The following TLL1 variants were observed in gnomAD, a reference collection of about 807,000 sequenced individuals.
TLL1 encodes tolloid like 1.
Under a neutral mutation model 128.2 loss-of-function variants are expected in TLL1, and 49 were observed. The observed-to-expected ratio is 0.38, with a 90% CI of 0.30 to 0.48. TLL1 has a LOEUF of 0.48. Among genes scored for constraint, TLL1 ranks in the 20% least tolerant of loss-of-function variants. The pLI is 0.96. For missense variants in TLL1, 1,123 were observed against 1,242.0 expected (o/e 0.90, Z 1.44); for synonymous variants, 454 against 418.8 (o/e 1.08, Z -1.03).
chr4:165,946,505 T>TC (rs1734256741), intron 1 of TLL1, among the ~76,000 whole-genome samples: 1 of 149,960 alleles, frequency 6.7e-6, no homozygotes, highest in African/African-American at 2.5e-5. Context: ...GCTAATTTTT[T>TC]TTTTTTTTTT....
intron 1 of TLL1, among the ~76,000 whole-genome samples, chr4:165,909,428 G>A (rs9990589): frequency 0.44 from 66,685 of 151,926 alleles, 15,462 homozygotes; most frequent in East Asian, 0.87. Flanking sequence ...TGCAGGTGAT[G>A]TTTGTAGTGG....
intron 8 of TLL1, among the ~76,000 whole-genome samples, chr4:166,021,570 C>T (rs1370000592): frequency 1.3e-5 from 2 of 151,708 alleles, no homozygotes; most frequent in South Asian, 2.1e-4. Flanking sequence ...GTAGCTGGGA[C>T]TACAGGTGTG....
At chr4:166,032,189 A>G (rs952748020) in intron 9 of TLL1, among the ~76,000 whole-genome samples, 6 of 152,134 alleles carry the variant, frequency 3.9e-5, no homozygotes, top group African/African-American at 1.4e-4. Context: ...ATTTTAGAAA[A>G]CTAGAAACTT....
chr4:165,918,726 T>C (rs559999323), intron 1 of TLL1, among the ~76,000 whole-genome samples: 96 of 152,288 alleles, frequency 6.3e-4, no homozygotes, highest in Middle Eastern at 3.4e-3. Flanking sequence ...TCATTTCCTC[T>C]AGTTTGTGTT....
At chr4:165,989,250 A>T in intron 1 of TLL1, 131 bp from the exon 2 acceptor site, 1 of 696,240 alleles carries the variant, frequency 1.4e-6, no homozygotes, top group East Asian at 2.7e-5. Flanking sequence ...TTCAGTTATG[A>T]TTACTTTCTG....
rs181876352 is a variant in TLL1 at position 166,094,508 on chromosome 4, C to A, written c.2656+3167C>A. 1.9e-3 allele frequency among the ~76,000 whole-genome samples: 292 copies of A among 152,220 alleles called. 1 individual carries two copies. Among genetic ancestry groups the A allele is most frequent in the Non-Finnish European group, 3.3e-3 (226 of 68,008 alleles). ...GCCATTCAGATACCCACGTGAGGAA[C>A]CCCAATCACAATTTGTTAGGCAAAA... On this transcript the variant is annotated intron_variant, in intron 19 of 20. Coordinates refer to ENST00000061240, the MANE Select transcript of TLL1 (RefSeq NM_012464.5).
chr4:166,094,400 A>G (rs1436093044), intron 19 of TLL1, among the ~76,000 whole-genome samples: 1 of 152,192 alleles, frequency 6.6e-6, no homozygotes, highest in Non-Finnish European at 1.5e-5. Context: ...TGAAGATTGA[A>G]TTCTTCTTTA....
intron 1 of TLL1, among the ~76,000 whole-genome samples, chr4:165,920,533 G>T (rs1045941859): frequency 4.6e-5 from 7 of 152,088 alleles, no homozygotes; most frequent in African/African-American, 1.7e-4. Context: ...TAGAAATAAT[G>T]TTTATTTGTG....
chr4:165,929,213 C>T (rs1225046031), intron 1 of TLL1, among the ~76,000 whole-genome samples: 5 of 152,040 alleles, frequency 3.3e-5, no homozygotes, highest in African/African-American at 7.2e-5. Flanking sequence ...CTTTGGTAGC[C>T]GTGAAAGTCA....
intron 18 of TLL1, among the ~76,000 whole-genome samples, chr4:166,081,240 T>C (rs1741270638): frequency 6.6e-6 from 1 of 152,184 alleles, no homozygotes; most frequent in Non-Finnish European, 1.5e-5. Context: ...TTGTCTGTTT[T>C]GTTTTAACAT....
At chr4:166,043,979 T>C (rs2111095534) in intron 12 of TLL1, among the ~76,000 whole-genome samples, 1 of 152,210 alleles carries the variant, frequency 6.6e-6, no homozygotes, top group African/African-American at 2.4e-5. Context: ...AATCAGAATT[T>C]TTGGATCAAA....
Position 166,101,137 on chromosome 4 carries a change from A to G in TLL1, c.*261A>G. ...TCATATACTTCAAGGAAGACTCTAC[A>G]AGCTTTTGTTCACAGCTTGAAATAG... On this transcript the variant is annotated 3_prime_UTR_variant, in exon 21 of 21. Transcript: ENST00000061240. 1 of 430,412 alleles carries G rather than the reference A, an allele frequency of 2.3e-6. No homozygotes were observed. The highest frequency in any genetic ancestry group is 2.3e-5 in the South Asian group (1 of 43,710). The allele number at this position is 430,412 out of a possible 1,614,324, so 26.7% of individuals were successfully genotyped here.
chr4:165,963,303 C>A (rs1014915890), intron 1 of TLL1, among the ~76,000 whole-genome samples: 1 of 151,990 alleles, frequency 6.6e-6, no homozygotes, highest in African/African-American at 2.4e-5. Flanking sequence ...CATGTACCCC[C>A]ATCCCCCAGC....
chr4:166,014,683 T>A (rs760689803), intron 8 of TLL1, 123 bp downstream of exon 8: 94 of 1,428,212 alleles, frequency 6.6e-5, no homozygotes, highest in Non-Finnish European at 8.8e-5. Context: ...CGTGTACAGT[T>A]CAAAGTCAGT....
chr4:166,057,732 G>T (rs1272174165), intron 14 of TLL1, among the ~76,000 whole-genome samples: 1 of 152,138 alleles, frequency 6.6e-6, no homozygotes, highest in African/African-American at 2.4e-5. Flanking sequence ...CGTCGTATAT[G>T]GCAGCGAGCC....
At chr4:166,071,359 T>C (rs1298106473) in intron 16 of TLL1, among the ~76,000 whole-genome samples, 1 of 151,886 alleles carries the variant, frequency 6.6e-6, no homozygotes, top group African/African-American at 2.4e-5. Context: ...TTTTTCCTAA[T>C]GATGGGCCTT....
intron 1 of TLL1, among the ~76,000 whole-genome samples, chr4:165,911,031 T>A (rs1440611602): frequency 6.6e-6 from 1 of 152,206 alleles, no homozygotes; most frequent in Non-Finnish European, 1.5e-5. Context: ...CATTTCTATG[T>A]GTGGAGAGCA....
At chr4:165,934,162 C>CTAA (rs1733659491) in intron 1 of TLL1, among the ~76,000 whole-genome samples, 1 of 146,048 alleles carries the variant, frequency 6.8e-6, no homozygotes, top group Admixed American at 6.9e-5. Flanking sequence ...CCACGCCCAG[C>CTAA]TAATTTTTTG....
chr4:166,061,340 G>A (rs904892191), intron 15 of TLL1, among the ~76,000 whole-genome samples: 2 of 151,410 alleles, frequency 1.3e-5, no homozygotes, highest in African/African-American at 4.9e-5. Context: ...CCGCCTCCTG[G>A]GTTCAAACAA....
Sources: gnomAD v4.1 joint callset for allele counts (sites outside exome capture counted in the v4.1 genomes callset) on GRCh38, gnomAD v4.1.1 for gene constraint, MANE v1.5 for transcripts, NCBI Gene and HGNC (gene_info 2026-07-23, HGNC 2026-07-21) for gene names.